PPIP5K2: variants seen among roughly 807,000 people sequenced by gnomAD.
The protein encoded by PPIP5K2 is inositol hexakisphosphate and diphosphoinositol-pentakisphosphate kinase 2.
PPIP5K2 carries 105 observed loss-of-function variants against 154.6 expected under a neutral mutation model. That is an observed-to-expected ratio of 0.68 (90% CI 0.58 to 0.80). The LOEUF is 0.80. Ranked by LOEUF, PPIP5K2 falls within the 30% of genes least tolerant of loss-of-function variation. The pLI is 0.00. For synonymous variants in PPIP5K2, 480 were observed against 490.3 expected, an observed-to-expected ratio of 0.98 and a Z score of 0.28; for missense variants, 992 against 1,504.6, an observed-to-expected ratio of 0.66 and a Z score of 5.64.
intron 3 of PPIP5K2, among the ~76,000 whole-genome samples, chr5:103,134,152 A>G (rs898032788): frequency 1.6e-4 from 25 of 152,252 alleles, no homozygotes; most frequent in African/African-American, 6.0e-4. Context: ...AACAAGATCT[A>G]TCATTTTTCA....
In PPIP5K2 at chr5:103,134,026, A is replaced by G. The variant is rs977402434; in HGVS notation, c.310+378A>G. ...ATTTGGAAAGTTTCCAGTTTTCACTATTAAAAATAAGGTTGTGTGATCTTT... is the reference window on the plus strand; with the variant it reads ...ATTTGGAAAGTTTCCAGTTTTCACTGTTAAAAATAAGGTTGTGTGATCTTT... On this transcript the variant is annotated intron_variant, in intron 3 of 30. Transcript: ENST00000358359. Among the ~76,000 whole-genome samples the G allele has an allele frequency of 4.6e-5, 7 of 152,060 alleles. No homozygotes were observed. In the East Asian group the frequency reaches 1.4e-3, roughly 29 times the overall value.
intron 21 of PPIP5K2, chr5:103,176,994 C>A: frequency 8.0e-6 from 8 of 1,001,004 alleles, no homozygotes; most frequent in Admixed American, 2.6e-5. Flanking sequence ...TGTTGATAGG[C>A]CTATATTGCA....
In PPIP5K2 at chr5:103,146,529, T is replaced by A. The variant is rs782254039; in HGVS notation, c.490T>A (p.Cys164Ser). Residue 164 changes from cysteine to serine, a missense_variant and splice_region_variant, in exon 6 of 31, where the codon TGT becomes AGT. Cys to Ser is a moderately radical substitution (Grantham distance 112). Coordinates refer to ENST00000358359, the MANE Select transcript of PPIP5K2 (RefSeq NM_001276277.3). ...LNRDPNNPKE[C>S]NLIEGEDHVE... The stretch of plus-strand genomic sequence containing the variant: ...TTGCAATCGTGTTTGTTTTATAGAA[T>A]GTAATCTGATTGAAGGGGAAGATCA... The A allele has an allele frequency of 1.9e-6, 3 of 1,609,844 alleles. No individual in the cohort carries two copies. Among genetic ancestry groups the A allele is most frequent in the Non-Finnish European group, 2.5e-6 (3 of 1,178,402 alleles).
At chr5:103,171,052 T>C (rs1170085292) in intron 19 of PPIP5K2, among the ~76,000 whole-genome samples, 6 of 151,546 alleles carry the variant, frequency 4.0e-5, no homozygotes, top group Non-Finnish European at 8.9e-5. Flanking sequence ...TTACATTGAT[T>C]GATTAATTTT....
At chr5:103,148,196 G>A (rs1554209928) in intron 7 of PPIP5K2, 164 bp downstream of exon 7, 5 of 680,646 alleles carry the variant, frequency 7.3e-6, no homozygotes. Flanking sequence ...GCAGTCTGAA[G>A]CCTATGGACT....
At position 103,180,181 on chromosome 5, in the gene PPIP5K2, C is replaced by G; in HGVS notation, c.2915C>G (p.Thr972Arg). ...CTTCCAAGATCTAGGAAGACGGCTA[C>G]AAATGATGTAAGTATATGTATCAGA... Reference protein sequence around the residue: ...SPLPRSRKTATNDEESPLSVS... With the variant: ...SPLPRSRKTARNDEESPLSVS... Residue 972 changes from threonine to arginine, a missense_variant, in exon 24 of 31, where the codon ACA becomes AGA. Physicochemically the swap from Thr to Arg is moderately conservative, Grantham distance 71. Around this residue, in one of 9 missense-constraint regions of PPIP5K2, gnomAD observed 204 missense variants for 224.0 expected, o/e 0.91. Coordinates refer to ENST00000358359, the MANE Select transcript of PPIP5K2 (RefSeq NM_001276277.3). 5 of 1,588,300 alleles carry G rather than the reference C, an allele frequency of 3.1e-6. No homozygotes were observed. Among genetic ancestry groups the G allele is most frequent in the Non-Finnish European group, 4.3e-6 (5 of 1,170,472 alleles).
chr5:103,175,453 G>T (rs1401668027), intron 21 of PPIP5K2, among the ~76,000 whole-genome samples: 8 of 152,068 alleles, frequency 5.3e-5, no homozygotes, highest in African/African-American at 1.9e-4. Flanking sequence ...TGATGGAATT[G>T]TTTGTGAAGA....
chr5:103,182,271 T>G (rs2149753939), intron 24 of PPIP5K2, among the ~76,000 whole-genome samples: 1 of 152,346 alleles, frequency 6.6e-6, no homozygotes, highest in African/African-American at 2.4e-5. Context: ...GTCTTCATTT[T>G]GCAACTCATC....
chr5:103,133,231 AGT>A (rs1554203178), intron 2 of PPIP5K2, among the ~76,000 whole-genome samples: 20 of 152,172 alleles, frequency 1.3e-4, no homozygotes. Flanking sequence ...TTATTCTGAA[AGT>A]GTTTTTGTTT....
chr5:103,125,211 C>G (rs1393812494), intron 1 of PPIP5K2, among the ~76,000 whole-genome samples: 5 of 152,238 alleles, frequency 3.3e-5, no homozygotes, highest in Non-Finnish European at 5.9e-5. Flanking sequence ...GAACTCTACT[C>G]TCAATCATTT....
chr5:103,177,787 C>T lies in PPIP5K2; in HGVS notation c.2637+13C>T, dbSNP rs374418510. 6.3e-7 allele frequency: 1 copy of T among 1,598,830 alleles called. No homozygotes were observed. The highest frequency in any genetic ancestry group is 1.3e-5 in the African/African-American group (1 of 74,512). ...GGATCCTAATAAGGTAAACAGAGCTCTTGATTTGTGTTTTACCAGACATAA... is the reference window on the plus strand; with the variant it reads ...GGATCCTAATAAGGTAAACAGAGCTTTTGATTTGTGTTTTACCAGACATAA... On this transcript the variant is annotated intron_variant, in intron 22 of 30. Transcript: ENST00000358359.
chr5:103,200,058 A>G (rs922731773), intron 30 of PPIP5K2, among the ~76,000 whole-genome samples: 3 of 152,114 alleles, frequency 2.0e-5, no homozygotes, highest in Admixed American at 6.6e-5. Flanking sequence ...TATTTCTGTT[A>G]TGTTCCTCCA....
At chr5:103,156,060 C>A in intron 14 of PPIP5K2, 66 bp downstream of exon 14, 1 of 1,079,784 alleles carries the variant, frequency 9.3e-7, no homozygotes, top group Non-Finnish European at 1.4e-6. Flanking sequence ...CTGTTGATTA[C>A]CTTTGGACCA....
At chr5:103,179,418 G>A (rs1562480638) in intron 23 of PPIP5K2, among the ~76,000 whole-genome samples, 1 of 151,962 alleles carries the variant, frequency 6.6e-6, no homozygotes. Context: ...AAAATTTTTA[G>A]CTTGCCTGTC....
intron 2 of PPIP5K2, among the ~76,000 whole-genome samples, chr5:103,132,761 T>A (rs1790844812): frequency 6.6e-6 from 1 of 152,218 alleles, no homozygotes; most frequent in South Asian, 2.1e-4. Flanking sequence ...GATCACCAAA[T>A]GAATCTTGAG....
At chr5:103,168,590 T>G (rs1797487863) in intron 19 of PPIP5K2, among the ~76,000 whole-genome samples, 1 of 151,766 alleles carries the variant, frequency 6.6e-6, no homozygotes, top group Admixed American at 6.6e-5. Flanking sequence ...CATATGCCCC[T>G]GCCTCCATAC....
rs782130585 is a variant in PPIP5K2, at chr5:103,146,688, C to T, written c.642+7C>T. On this transcript the variant is annotated splice_region_variant and intron_variant, in intron 6 of 30. Coordinates refer to ENST00000358359, the MANE Select transcript of PPIP5K2 (RefSeq NM_001276277.3). ...TCAAAGACTCTTTAGAAAGGTAACA[C>T]CTTTGTAACTTTTGTATGAATACTC... 1 of 1,598,232 alleles carries T rather than the reference C, an allele frequency of 6.3e-7. No homozygotes were observed. The highest frequency in any genetic ancestry group is 1.7e-4 in the Middle Eastern group (1 of 5,984).
intron 30 of PPIP5K2, among the ~76,000 whole-genome samples, chr5:103,199,281 C>T (rs782731498): frequency 3.3e-5 from 5 of 152,190 alleles, no homozygotes; most frequent in Non-Finnish European, 7.4e-5. Flanking sequence ...CATCTGGTTT[C>T]GTTTGCCTTC....
At chr5:103,201,327 C>T (rs782546925) in intron 30 of PPIP5K2, among the ~76,000 whole-genome samples, 195 bp from the exon 31 acceptor site, 2 of 152,096 alleles carry the variant, frequency 1.3e-5, no homozygotes, top group Non-Finnish European at 2.9e-5. Flanking sequence ...GAACACAGCC[C>T]ATTGTCATTA....
Sources: gnomAD v4.1 joint callset for allele counts (sites outside exome capture counted in the v4.1 genomes callset) on GRCh38, gnomAD v4.1.1 for gene constraint, gnomAD v4.1.1 regional missense constraint, MANE v1.5 for transcripts, NCBI Gene and HGNC (gene_info 2026-07-23, HGNC 2026-07-21) for gene names.